Variants in MYT1 observed in about 807,000 individuals in gnomAD.
The protein encoded by MYT1 is myelin transcription factor I.
A neutral mutation model predicts 123.0 loss-of-function variants in MYT1; 23 were observed. That is an observed-to-expected ratio of 0.19 (90% CI 0.13 to 0.26). MYT1 has a LOEUF of 0.26. Ranked by LOEUF, MYT1 falls within the 10% of genes least tolerant of loss-of-function variation. The pLI, the probability that MYT1 is intolerant of heterozygous loss-of-function variation, is 1.00. For missense variants in MYT1, 1,125 were observed against 1,472.5 expected (o/e 0.76, Z 3.86); for synonymous variants, 518 against 575.3 (o/e 0.90, Z 1.43).
chr20:64,225,386 GT>G (rs1984141930), intron 16 of MYT1, among the ~76,000 whole-genome samples: 1 of 152,322 alleles, frequency 6.6e-6, no homozygotes, highest in African/African-American at 2.4e-5. Flanking sequence ...TGTGTGTTCT[GT>G]GTTTTAAGTG....
intron 7 of MYT1, among the ~76,000 whole-genome samples, chr20:64,209,471 C>CT: frequency 6.6e-6 from 1 of 152,328 alleles, no homozygotes. Context: ...ATCTCGGCCT[C>CT]TTTTTTCCCC....
At chr20:64,195,921 G>A (rs1163358820) in intron 2 of MYT1, among the ~76,000 whole-genome samples, 5 of 152,168 alleles carry the variant, frequency 3.3e-5, no homozygotes, top group Non-Finnish European at 5.9e-5. Flanking sequence ...AGTTTTCATG[G>A]TTTTCCTATC....
intron 13 of MYT1, among the ~76,000 whole-genome samples, chr20:64,221,618 C>T (rs906376033): frequency 1.1e-4 from 16 of 152,308 alleles, no homozygotes; most frequent in Non-Finnish European, 1.9e-4. Context: ...GGGAGGGTGT[C>T]AGGAGCCTGC....
At chr20:64,179,848 A>G (rs1267842566) in intron 1 of MYT1, among the ~76,000 whole-genome samples, 1 of 152,014 alleles carries the variant, frequency 6.6e-6, no homozygotes, top group Non-Finnish European at 1.5e-5. Context: ...ACACACAGTT[A>G]CACACACATA....
intron 10 of MYT1, among the ~76,000 whole-genome samples, chr20:64,214,674 A>G (rs8117229): frequency 0.13 from 19,760 of 152,176 alleles, 1,370 homozygotes; most frequent in South Asian, 0.17. Flanking sequence ...GAGGAACTAG[A>G]ACTCACACAC....
In MYT1 at chr20:64,205,210, G is replaced by A. The variant is rs1983449600; in HGVS notation, c.149+113G>A. Reference sequence around the variant, plus strand: ...TTTCCATGGCTCCCAAGGCCAGGCTGCTGACCCTTCTGCGAGGCAGCGACC... The same window carrying A: ...TTTCCATGGCTCCCAAGGCCAGGCTACTGACCCTTCTGCGAGGCAGCGACC... On this transcript the variant is annotated intron_variant, in intron 5 of 22. Coordinates refer to ENST00000328439, the MANE Select transcript of MYT1 (RefSeq NM_004535.3). The A allele has an allele frequency of 3.8e-6, 5 of 1,302,278 alleles. No homozygotes were observed. The East Asian group carries it at 1.2e-4, about 31-fold the overall frequency. The allele number at this position is 1,302,278 out of a possible 1,614,324, so 80.7% of individuals were successfully genotyped here. A position where few individuals can be genotyped will look rare whatever the true frequency, so the allele number is the denominator to read the frequency against.
chr20:64,179,516 A>G (rs1233542253), intron 1 of MYT1, among the ~76,000 whole-genome samples: 1 of 152,194 alleles, frequency 6.6e-6, no homozygotes, highest in East Asian at 1.9e-4. Context: ...TCAACAAACC[A>G]TCACTTAACT....
rs376104047 is a variant in MYT1 at position 64,227,848 on chromosome 20, T to C, written c.2592-40T>C. The C allele has an allele frequency of 7.3e-5, 116 of 1,588,056 alleles. No individual in the cohort carries two copies. In the African/African-American group the frequency reaches 8.3e-4, roughly 11 times the overall value. On this transcript the variant is annotated intron_variant, in intron 17 of 22. Transcript: ENST00000328439. ...ATGAACGGGTGTGAGAAGCTGCGGT[T>C]CCAGCACTAAGGTGGCCTTTTTTCC...
chr20:64,200,598 G>T (rs1294251078), intron 4 of MYT1, among the ~76,000 whole-genome samples: 4 of 152,174 alleles, frequency 2.6e-5, no homozygotes, highest in Non-Finnish European at 2.9e-5. Flanking sequence ...GGAGATGAAG[G>T]GGGAGGACTA....
At chr20:64,227,330 AG>A in intron 16 of MYT1, 84 bp from the exon 17 acceptor site, 1 of 1,304,134 alleles carries the variant, frequency 7.7e-7, no homozygotes, top group Non-Finnish European at 1.1e-6. Flanking sequence ...TGAGCCCAGA[AG>A]GCTTTCCTCT....
Position 64,208,405 on chromosome 20 carries a change from C to T in MYT1, c.1209C>T (p.Ala403=), listed in dbSNP as rs977403417. The change falls in exon 7 of 23, where the codon GCC becomes GCT. Residue 403 remains alanine, a synonymous_variant. Coordinates refer to ENST00000328439, the MANE Select transcript of MYT1 (RefSeq NM_004535.3). The surrounding 1 kb of genome is among the most constrained non-coding windows in gnomAD (Gnocchi z 5.4). ...TCTGCGAGCCGGGCTGCCCGCCTGC[C>T]GAGCAGAGCCAGCTGGGCCTGGGAG... is the stretch of plus-strand genomic sequence containing the variant. ...RTVCEPGCPP[A]EQSQLGLGEP... 10 of 1,613,362 alleles carry T rather than the reference C, an allele frequency of 6.2e-6. No homozygotes were observed. The highest frequency in any genetic ancestry group is 1.3e-5 in the African/African-American group (1 of 74,940).
rs1200350819 is a variant in MYT1 at position 64,208,832 on chromosome 20, C to T, written c.1291+345C>T. Among the ~76,000 whole-genome samples, 1 of 152,204 alleles carries T rather than the reference C, an allele frequency of 6.6e-6. No individual in the cohort carries two copies. The highest frequency in any genetic ancestry group is 1.5e-5 in the Non-Finnish European group (1 of 68,026). ...CCGTCCTGTCCCTTCCACCCCAACT[C>T]ACACTCGTGGCAGGGATTGTGCTAT... On this transcript the variant is annotated intron_variant, in intron 7 of 22. Transcript: ENST00000328439. This position sits in a 1 kb window ranked among gnomAD's most constrained non-coding sequence, Gnocchi z 5.4.
At position 64,221,985 on chromosome 20, in the gene MYT1, A is replaced by C. The variant is rs951627071; in HGVS notation, c.2334A>C (p.Glu778Asp). Reference protein sequence around the residue: ...ENFEERKYPGEVTLTNFKLKF... With the variant: ...ENFEERKYPGDVTLTNFKLKF... ...TTGAGGAGCGGAAGTATCCGGGGGA[A>C]GTCACCCTGACCAACTTTAAGCTGA... The change falls in exon 14 of 23, where the codon GAA becomes GAC. Residue 778 changes from glutamate (E) to aspartate (D), a missense_variant. Physicochemically the swap from Glu to Asp is conservative, Grantham distance 45. Coordinates refer to ENST00000328439, the MANE Select transcript of MYT1 (RefSeq NM_004535.3). 1 of 1,613,632 alleles carries C rather than the reference A, an allele frequency of 6.2e-7. No homozygotes were observed.
intron 2 of MYT1, among the ~76,000 whole-genome samples, chr20:64,198,149 T>G (rs1473605709): frequency 3.3e-5 from 5 of 151,046 alleles, no homozygotes; most frequent in Non-Finnish European, 5.9e-5. Context: ...TAGCCGGGCG[T>G]GGTAGCGGGC....
chr20:64,227,535 T>A (rs983897046), intron 17 of MYT1, 58 bp downstream of exon 17: 2 of 1,483,480 alleles, frequency 1.3e-6, no homozygotes, highest in South Asian at 1.2e-5. Flanking sequence ...AGTCTCTTCC[T>A]TATATGAAGA....
intron 4 of MYT1, among the ~76,000 whole-genome samples, chr20:64,204,356 C>T (rs1238742184): frequency 2.0e-5 from 3 of 152,174 alleles, no homozygotes; most frequent in Non-Finnish European, 4.4e-5. Flanking sequence ...TCAGTGTCAC[C>T]CCCTCCCCAA....
Position 64,239,774 on chromosome 20 carries a change from G to A in MYT1, c.3108G>A (p.Glu1036=), listed in dbSNP as rs750327097. Residue 1036 remains glutamate (E), a synonymous_variant, in exon 22 of 23, where the codon GAG becomes GAA. Transcript: ENST00000328439. ...CTCTGGCACAGATCTCCTCCATGGAGAAGAACCTGAAGAACATCGAGGAGG... is the reference window on the plus strand; with the variant it reads ...CTCTGGCACAGATCTCCTCCATGGAAAAGAACCTGAAGAACATCGAGGAGG... ...VQLQSQISSM[E]KNLKNIEEEN... 13 of 1,613,862 alleles carry A rather than the reference G, an allele frequency of 8.1e-6. No homozygotes were observed. The highest frequency in any genetic ancestry group is 1.1e-5 in the Non-Finnish European group (13 of 1,180,022).
rs1984703540 is a variant in MYT1 at position 64,241,073 on chromosome 20, CCTGA to C, written c.*626_*629del. On this transcript the variant is annotated 3_prime_UTR_variant, in exon 23 of 23. Transcript: ENST00000328439. The surrounding 1 kb of genome is among the most constrained non-coding windows in gnomAD (Gnocchi z 4.2). Reference sequence around the variant, plus strand: ...TCAAGGAATTTTAACCTGGGAGACTCCTGAAAATCAGCCTAATGTCTGGGGGCAG... The same window carrying C: ...TCAAGGAATTTTAACCTGGGAGACTCAAATCAGCCTAATGTCTGGGGGCAG... The C allele has an allele frequency of 2.0e-5, 3 of 152,480 alleles. No individual in the cohort carries two copies. The allele number at this position is 152,480 out of a possible 1,614,324, so 9.4% of individuals were successfully genotyped here. A position where few individuals can be genotyped will look rare whatever the true frequency, so the allele number is the denominator to read the frequency against.
In MYT1 at chr20:64,193,717, G is replaced by T. The variant is rs762027551; in HGVS notation, c.-1+3557G>T. 2.6e-5 allele frequency among the ~76,000 whole-genome samples: 4 copies of T among 151,816 alleles called. No individual in the cohort carries two copies. Among genetic ancestry groups the T allele is most frequent in the East Asian group, 1.9e-4 (1 of 5,164 alleles). On this transcript the variant is annotated intron_variant, in intron 2 of 22. Transcript: ENST00000328439. The surrounding 1 kb of genome is among the most constrained non-coding windows in gnomAD (Gnocchi z 4.0). ...TCTGGGAAGTGGCTGCCTATGGTCC[G>T]CTGGGACTCAGCAGGTGCTCTTCCT... is the stretch of plus-strand genomic sequence containing the variant.
Sources: allele counts gnomAD v4.1 joint callset (sites outside exome capture counted in the v4.1 genomes callset), GRCh38; gene constraint gnomAD v4.1.1; non-coding constraint Gnocchi (gnomAD v3.1); transcripts MANE v1.5; gene names NCBI Gene and HGNC (gene_info 2026-07-23, HGNC 2026-07-21).